NKAIN2: variants seen among roughly 807,000 people sequenced by gnomAD.
The protein encoded by NKAIN2 is sodium/potassium-transporting ATPase subunit beta-1-interacting protein 2.
In NKAIN2, 14 loss-of-function variants were observed where a neutral mutation model predicts 32.6. The ratio of observed to expected loss-of-function variants is 0.43; its 90% CI spans 0.28 to 0.67. The LOEUF (loss-of-function observed/expected upper bound fraction) is 0.67. Ranked by LOEUF, NKAIN2 falls within the 30% of genes least tolerant of loss-of-function variation. NKAIN2 has a pLI of 0.17. For synonymous variants in NKAIN2, 80 were observed against 87.2 expected, an observed-to-expected ratio of 0.92 and a Z score of 0.46; for missense variants, 198 against 258.3, an observed-to-expected ratio of 0.77 and a Z score of 1.60.
At chr6:123,865,389 A>G (rs1775942563) in intron 1 of NKAIN2, among the ~76,000 whole-genome samples, 1 of 152,112 alleles carries the variant, frequency 6.6e-6, no homozygotes, top group Non-Finnish European at 1.5e-5. Flanking sequence ...TGATGTAAAG[A>G]CAACTCTAAA....
chr6:124,681,486 T>G (rs7774680), intron 4 of NKAIN2, among the ~76,000 whole-genome samples: 59,129 of 151,772 alleles, frequency 0.39, 11,697 homozygotes, highest in African/African-American at 0.45. Flanking sequence ...AATAGCTTGA[T>G]GTATCATCTT....
chr6:123,956,017 GCA>G (rs1777569000), intron 1 of NKAIN2, among the ~76,000 whole-genome samples: 3 of 146,490 alleles, frequency 2.0e-5, no homozygotes, highest in African/African-American at 7.5e-5. Context: ...TTTTAAAAAT[GCA>G]TGGATGCTTA....
chr6:124,732,363 C>T (rs1406065799), intron 4 of NKAIN2, among the ~76,000 whole-genome samples: 2 of 151,982 alleles, frequency 1.3e-5, no homozygotes, highest in Non-Finnish European at 2.9e-5. Flanking sequence ...TTGGTGAAAT[C>T]CCAGGGAAGT....
Position 124,524,757 on chromosome 6 carries a change from A to T in NKAIN2, c.274-133429A>T, listed in dbSNP as rs147710911. Among the ~76,000 whole-genome samples, 921 of 152,290 alleles carry T rather than the reference A, an allele frequency of 6.0e-3. 9 individuals are homozygous for T. Among genetic ancestry groups the T allele is most frequent in the African/African-American group, 0.017 (726 of 41,564 alleles). Reference sequence around the variant, plus strand: ...TGCTTGTCTAACTCGCTAACTTCTAACATATCCCTTTTATCAAGATAGTTC... The same window carrying T: ...TGCTTGTCTAACTCGCTAACTTCTATCATATCCCTTTTATCAAGATAGTTC... On this transcript the variant is annotated intron_variant, in intron 3 of 6. Coordinates refer to ENST00000368417, the MANE Select transcript of NKAIN2 (RefSeq NM_001040214.3).
chr6:124,669,982 A>G (rs909517274), intron 4 of NKAIN2, among the ~76,000 whole-genome samples: 2 of 152,038 alleles, frequency 1.3e-5, no homozygotes, highest in African/African-American at 4.8e-5. Flanking sequence ...TGAAGACTGG[A>G]ATCATGCTGT....
At chr6:124,623,452 G>A (rs1783186400) in intron 3 of NKAIN2, among the ~76,000 whole-genome samples, 1 of 152,158 alleles carries the variant, frequency 6.6e-6, no homozygotes, top group Non-Finnish European at 1.5e-5. Context: ...ACTTAAAAAT[G>A]TAAGTATGAA....
chr6:124,791,614 C>G (rs1330567690), intron 5 of NKAIN2, among the ~76,000 whole-genome samples: 5 of 152,116 alleles, frequency 3.3e-5, no homozygotes, highest in Non-Finnish European at 7.4e-5. Context: ...TAACTTCTTT[C>G]TTTTCATTGA....
chr6:124,802,110 TAA>T lies in NKAIN2; in HGVS notation c.535+10714_535+10715del, dbSNP rs545785326. 7.4e-3 allele frequency among the ~76,000 whole-genome samples: 1,120 copies of T among 152,328 alleles called. 5 individuals are homozygous for T. The highest frequency in any genetic ancestry group is 0.012 in the Non-Finnish European group (835 of 68,016). ...TTGTGATTTTCATTTCTGGAGGCTGTAAAATGATACAAAGATTATGTTAGCAA... is the reference window on the plus strand; with the variant it reads ...TTGTGATTTTCATTTCTGGAGGCTGTAATGATACAAAGATTATGTTAGCAA... On this transcript the variant is annotated intron_variant, in intron 5 of 6. Coordinates refer to ENST00000368417, the MANE Select transcript of NKAIN2 (RefSeq NM_001040214.3).
chr6:124,485,208 A>T (rs2114709800), intron 3 of NKAIN2, among the ~76,000 whole-genome samples: 2 of 152,304 alleles, frequency 1.3e-5, no homozygotes, highest in South Asian at 2.1e-4. Flanking sequence ...TTAGAAATGC[A>T]GTTCTCAGGC....
At chr6:124,311,298 G>A (rs1486120839) in intron 2 of NKAIN2, among the ~76,000 whole-genome samples, 2 of 152,018 alleles carry the variant, frequency 1.3e-5, no homozygotes, top group East Asian at 3.9e-4. Flanking sequence ...ATTATAAACA[G>A]ATAAGACTAC....
intron 3 of NKAIN2, among the ~76,000 whole-genome samples, chr6:124,445,421 ATTG>A (rs1266093596): frequency 6.6e-6 from 1 of 152,090 alleles, no homozygotes; most frequent in Non-Finnish European, 1.5e-5. Flanking sequence ...GAAATTTTGT[ATTG>A]TTGTCTAAAT....
intron 1 of NKAIN2, among the ~76,000 whole-genome samples, chr6:123,947,315 C>G (rs1339686494): frequency 6.6e-6 from 1 of 152,084 alleles, no homozygotes; most frequent in Non-Finnish European, 1.5e-5. Flanking sequence ...ACATATGTTT[C>G]CTTGTTTTTC....
chr6:124,589,757 C>T (rs1781840212), intron 3 of NKAIN2, among the ~76,000 whole-genome samples: 1 of 152,026 alleles, frequency 6.6e-6, no homozygotes, highest in African/African-American at 2.4e-5. Context: ...GTTTGCTGCA[C>T]CTATCAACTC....
At chr6:124,379,444 C>T (rs1800163230) in intron 3 of NKAIN2, among the ~76,000 whole-genome samples, 2 of 151,942 alleles carry the variant, frequency 1.3e-5, no homozygotes. Context: ...CTTCTCAATT[C>T]TTTCATCATT....
chr6:123,914,294 G>C (rs1484028458), intron 1 of NKAIN2, among the ~76,000 whole-genome samples: 1 of 151,780 alleles, frequency 6.6e-6, no homozygotes, highest in Non-Finnish European at 1.5e-5. Context: ...TCAGAGAGAG[G>C]GAGAGAGGGA....
intron 3 of NKAIN2, among the ~76,000 whole-genome samples, chr6:124,629,640 A>G (rs1783486166): frequency 6.6e-6 from 1 of 152,042 alleles, no homozygotes; most frequent in African/African-American, 2.4e-5. Flanking sequence ...TCTTTTAGCC[A>G]CTCTTTGTTT....
intron 3 of NKAIN2, among the ~76,000 whole-genome samples, chr6:124,487,043 C>A (rs1549355): frequency 0.21 from 31,392 of 152,042 alleles, 3,520 homozygotes; most frequent in East Asian, 0.43. Flanking sequence ...GTGTCTCACC[C>A]TAACCTGGGA....
intron 4 of NKAIN2, among the ~76,000 whole-genome samples, chr6:124,774,094 G>T (rs768552705): frequency 9.9e-5 from 15 of 152,168 alleles, no homozygotes; most frequent in Non-Finnish European, 1.8e-4. Context: ...AGAATGACAT[G>T]ATCAGACTTA....
At chr6:124,087,119 A>G (rs1259150437) in intron 1 of NKAIN2, among the ~76,000 whole-genome samples, 4 of 152,012 alleles carry the variant, frequency 2.6e-5, no homozygotes, top group Non-Finnish European at 5.9e-5. Flanking sequence ...CTGGTTCAAC[A>G]TGTAAAAATC....
Sources: allele counts gnomAD v4.1 joint callset (sites outside exome capture counted in the v4.1 genomes callset), GRCh38; gene constraint gnomAD v4.1.1; transcripts MANE v1.5; gene names NCBI Gene and HGNC (gene_info 2026-07-23, HGNC 2026-07-21).